The following PKD1L1 variants were observed in gnomAD, a reference collection of about 807,000 sequenced individuals.
PKD1L1 encodes polycystin 1 like 1, transient receptor potential channel interacting.
Under a neutral mutation model 323.4 loss-of-function variants are expected in PKD1L1, and 236 were observed. That is an observed-to-expected ratio of 0.73 (90% CI 0.66 to 0.81). PKD1L1 has a LOEUF of 0.81. Among genes scored for constraint, PKD1L1 ranks in the 40% least tolerant of loss-of-function variants. PKD1L1 has a pLI of 0.00. For synonymous variants in PKD1L1, 1,344 were observed against 1,335.0 expected, an observed-to-expected ratio of 1.01 and a Z score of -0.15; for missense variants, 3,320 against 3,508.0, an observed-to-expected ratio of 0.95 and a Z score of 1.35.
At chr7:47,886,144 A>G in intron 17 of PKD1L1, 90 bp from the exon 18 acceptor site, 3 of 1,458,096 alleles carry the variant, frequency 2.1e-6, no homozygotes, top group Middle Eastern at 2.1e-4. Flanking sequence ...AGGATGCTAT[A>G]TTATAAACAA....
At chr7:47,890,859 C>T in intron 15 of PKD1L1, 96 bp from the exon 16 acceptor site, 1 of 1,015,490 alleles carries the variant, frequency 9.8e-7, no homozygotes, top group Non-Finnish European at 1.5e-6. Flanking sequence ...GTGAGGGGGA[C>T]CACAGGGGAC....
At position 47,905,245 on chromosome 7, in the gene PKD1L1, G is replaced by T. The variant is rs773487217; in HGVS notation, c.1603C>A (p.Pro535Thr). ...CCAAAATACCACTCAAATTCCAGGGGTATTGTTTCCTTGGTAACAGCTGTA... is the reference window on the plus strand; with the variant it reads ...CCAAAATACCACTCAAATTCCAGGGTTATTGTTTCCTTGGTAACAGCTGTA... ...TFTAVTKETIPLEFEWYFGED... is the reference protein window; with the variant it reads ...TFTAVTKETITLEFEWYFGED... Residue 535 changes from proline (P) to threonine (T), a missense_variant, in exon 11 of 57, where the codon CCC (proline) becomes ACC (threonine). Pro to Thr is a conservative substitution (Grantham distance 38). Transcript: ENST00000289672. 1.2e-6 allele frequency: 2 copies of T among 1,614,084 alleles called. No individual in the cohort carries two copies. The highest frequency in any genetic ancestry group is 1.6e-4 in the Middle Eastern group (1 of 6,062).
At position 47,843,149 on chromosome 7, in the gene PKD1L1, G is replaced by C; in HGVS notation, c.5258C>G (p.Pro1753Arg). The C allele has an allele frequency of 1.2e-6, 2 of 1,611,540 alleles. No homozygotes were observed. The highest frequency in any genetic ancestry group is 1.7e-6 in the Non-Finnish European group (2 of 1,179,346). The change falls in exon 34 of 57, where the codon CCC becomes CGC. Residue 1753 changes from proline (P) to arginine (R), a missense_variant. Transcript: ENST00000289672. Reference protein sequence around the residue: ...KLQSHPENLLPSIFIMGSVIL... With the variant: ...KLQSHPENLLRSIFIMGSVIL... ...CACAGAACCCATAATAAAAATACTG[G>C]GAAGCAAGTTTTCTGGGTGGCTATA...
intron 56 of PKD1L1, among the ~76,000 whole-genome samples, chr7:47,775,630 C>T (rs920947166): frequency 4.0e-5 from 6 of 151,574 alleles, no homozygotes; most frequent in South Asian, 4.2e-4. Flanking sequence ...TGAATGCTAA[C>T]GCAATACTCC....
rs73331736 is a variant in PKD1L1, at chr7:47,827,547, G to A, written c.6736-79C>T. 3.4e-3 allele frequency: 4,275 copies of A among 1,240,344 alleles called. 133 individuals are homozygous for A. In the African/African-American group the frequency reaches 0.056, roughly 16 times the overall value. The allele number at this position is 1,240,344 out of a possible 1,614,324, so 76.8% of individuals were successfully genotyped here. A position where few individuals can be genotyped will look rare whatever the true frequency, so the allele number is the denominator to read the frequency against. On this transcript the variant is annotated intron_variant, in intron 44 of 56. Coordinates refer to ENST00000289672, the MANE Select transcript of PKD1L1 (RefSeq NM_138295.5). ...GCCCCTGGTGCTCCTGCCAAGCCAA[G>A]GAATGTGTCATTGCTGTGCTGTGCC...
chr7:47,814,407 A>G (rs1005196001), intron 47 of PKD1L1, among the ~76,000 whole-genome samples: 7 of 152,212 alleles, frequency 4.6e-5, no homozygotes, highest in Admixed American at 2.6e-4. Flanking sequence ...AAAGACAGAG[A>G]ATAGCTCTGT....
In PKD1L1 at chr7:47,858,753, C is replaced by T; in HGVS notation, c.4282G>A (p.Glu1428Lys). The T allele has an allele frequency of 6.2e-7, 1 of 1,614,028 alleles. No individual in the cohort carries two copies. Among genetic ancestry groups the T allele is most frequent in the South Asian group, 1.1e-5 (1 of 91,082 alleles). The change falls in exon 27 of 57, where the codon GAA (glutamate) becomes AAA (lysine). Residue 1428 changes from glutamate (E) to lysine (K), a missense_variant. By Grantham distance (56) the Glu-to-Lys change is moderately conservative. Transcript: ENST00000289672. ...ELIGLISRVW[E>K]VSEQENSKEE... Reference sequence around the variant, plus strand: ...TTCGAGTTTTCTTGCTCAGAGACTTCCCAGACTCTGGATATGAGACCGATG... The same window carrying T: ...TTCGAGTTTTCTTGCTCAGAGACTTTCCAGACTCTGGATATGAGACCGATG...
intron 54 of PKD1L1, among the ~76,000 whole-genome samples, chr7:47,796,801 C>T (rs1373923473): frequency 7.0e-6 from 1 of 142,434 alleles, no homozygotes; most frequent in Non-Finnish European, 1.5e-5. Context: ...TCCTGGCTAA[C>T]ATGGTGAAAC....
At chr7:47,883,890 T>C (rs1443546362) in intron 19 of PKD1L1, among the ~76,000 whole-genome samples, 2 of 152,362 alleles carry the variant, frequency 1.3e-5, no homozygotes, top group East Asian at 3.9e-4. Context: ...ATCTCTTCAC[T>C]AGACAGATAA....
Position 47,943,605 on chromosome 7 carries a change from T to C in PKD1L1, c.45-94A>G, listed in dbSNP as rs906649164. On this transcript the variant is annotated intron_variant, in intron 1 of 56. Transcript: ENST00000289672. ...ACCACTCTTCCATCCATATCCATAT[T>C]TCTGCCACAAAAGTATTAAGTACAA... 1.2e-5 allele frequency: 12 copies of C among 986,916 alleles called. No individual in the cohort carries two copies. The African/African-American group carries it at 1.9e-4, about 16-fold the overall frequency. 61.1% of individuals were successfully genotyped at this position (986,916 alleles called of 1,614,324 possible). A position where few individuals can be genotyped will look rare whatever the true frequency, so the allele number is the denominator to read the frequency against.
In PKD1L1 at chr7:47,782,973, T is replaced by C. The variant is rs985710057; in HGVS notation, c.8527-7807A>G. 4.6e-5 allele frequency among the ~76,000 whole-genome samples: 7 copies of C among 152,094 alleles called. No individual in the cohort carries two copies. In the East Asian group the frequency reaches 1.4e-3, roughly 29 times the overall value. On this transcript the variant is annotated intron_variant, in intron 56 of 56. Transcript: ENST00000289672. Reference sequence around the variant, plus strand: ...TACTAAAGGTGTTGTGCTGGTGACATGGATGAGGTATGTCTTTGGGGATTC... The same window carrying C: ...TACTAAAGGTGTTGTGCTGGTGACACGGATGAGGTATGTCTTTGGGGATTC...
chr7:47,823,551 C>A (rs1785187847), intron 45 of PKD1L1, among the ~76,000 whole-genome samples: 1 of 152,180 alleles, frequency 6.6e-6, no homozygotes, highest in Non-Finnish European at 1.5e-5. Flanking sequence ...GGCAAAATAA[C>A]TTCATCAGAT....
At chr7:47,948,594 C>G (rs1788149930), upstream of PKD1L1, 1 of 647,602 alleles carries the variant, frequency 1.5e-6, no homozygotes, top group East Asian at 2.7e-5. Flanking sequence ...AAAATCCAAA[C>G]TCCAGTAACA....
intron 8 of PKD1L1, 38 bp from the exon 9 acceptor site, chr7:47,908,288 T>G (rs1267115751): frequency 6.4e-7 from 1 of 1,571,592 alleles, no homozygotes; most frequent in Non-Finnish European, 8.7e-7. Context: ...TGATGAATTT[T>G]TAATAACAAG....
At chr7:47,890,474 A>G in intron 16 of PKD1L1, 68 bp downstream of exon 16, 2 of 1,500,888 alleles carry the variant, frequency 1.3e-6, no homozygotes, top group South Asian at 2.3e-5. Context: ...GATTCCTTTC[A>G]CGGATGCTAG....
At chr7:47,924,356 G>C (rs1787616670) in intron 7 of PKD1L1, among the ~76,000 whole-genome samples, 1 of 152,152 alleles carries the variant, frequency 6.6e-6, no homozygotes, top group Non-Finnish European at 1.5e-5. Flanking sequence ...GATGTGAGGG[G>C]GTAGTCTTAG....
chr7:47,957,316 A>T, the PKD1L1 span: 1 of 152,598 alleles, frequency 6.6e-6, no homozygotes. Context: ...ACAGAATAGG[A>T]ACATGCTGTA....
intron 26 of PKD1L1, among the ~76,000 whole-genome samples, chr7:47,859,579 C>T (rs143046166): frequency 1.2e-3 from 185 of 150,840 alleles, no homozygotes; most frequent in Non-Finnish European, 2.5e-3. Context: ...CCTGGGCTTA[C>T]ATGATTCTCC....
At chr7:47,796,182 C>T (rs756986653) in intron 54 of PKD1L1, 32 bp from the exon 55 acceptor site, 8 of 1,519,474 alleles carry the variant, frequency 5.3e-6, no homozygotes, top group African/African-American at 1.4e-5. Flanking sequence ...AGACAAATTT[C>T]ATGTTAGCAG....
Sources: allele counts gnomAD v4.1 joint callset (sites outside exome capture counted in the v4.1 genomes callset), GRCh38; gene constraint gnomAD v4.1.1; transcripts MANE v1.5; gene names NCBI Gene and HGNC (gene_info 2026-07-23, HGNC 2026-07-21).